The following PRKG1 variants were observed in gnomAD, a reference collection of about 807,000 sequenced individuals.
PRKG1 encodes the protein protein kinase cGMP-dependent 1.
In PRKG1, 35 loss-of-function variants were observed where a neutral mutation model predicts 88.1. The ratio of observed to expected loss-of-function variants is 0.40; its 90% CI spans 0.30 to 0.53. PRKG1 has a LOEUF of 0.53. Among genes scored for constraint, PRKG1 ranks in the 20% least tolerant of loss-of-function variants. The pLI is 0.59. For missense variants in PRKG1, 540 were observed against 839.8 expected, an observed-to-expected ratio of 0.64 and a Z score of 4.41; for synonymous variants, 303 against 292.5, an observed-to-expected ratio of 1.04 and a Z score of -0.37.
At chr10:51,832,212 A>G (rs1004239137) in intron 4 of PRKG1, among the ~76,000 whole-genome samples, 3 of 152,246 alleles carry the variant, frequency 2.0e-5, no homozygotes, top group African/African-American at 7.2e-5. Context: ...AAGCTTATGC[A>G]TAATGGAAAC....
chr10:51,615,596 A>G (rs1340142402), intron 3 of PRKG1, among the ~76,000 whole-genome samples: 1 of 129,308 alleles, frequency 7.7e-6, no homozygotes, highest in South Asian at 2.4e-4. Context: ...GATCTAGTCT[A>G]TTTTTGAAAC....
intron 2 of PRKG1, chr10:51,302,651 G>T (rs1382668024): frequency 6.6e-6 from 1 of 151,586 alleles, no homozygotes; most frequent in African/African-American, 2.4e-5. Flanking sequence ...GTCTTTAGCT[G>T]GGAAAAGCTT....
intron 3 of PRKG1, among the ~76,000 whole-genome samples, chr10:51,693,066 T>A (rs969514343): frequency 4.6e-5 from 7 of 151,900 alleles, no homozygotes; most frequent in African/African-American, 1.7e-4. Context: ...GGCGGGTGGA[T>A]CATTTGAGGT....
At chr10:51,774,167 A>G (rs959106567) in intron 3 of PRKG1, among the ~76,000 whole-genome samples, 21 of 152,056 alleles carry the variant, frequency 1.4e-4, no homozygotes, top group African/African-American at 5.1e-4. Flanking sequence ...AGAGAGCTTA[A>G]TTTACTTACC....
chr10:51,889,174 A>AG (rs1335120577), intron 4 of PRKG1, among the ~76,000 whole-genome samples: 5 of 150,506 alleles, frequency 3.3e-5, no homozygotes, highest in Non-Finnish European at 5.9e-5. Context: ...CTCGTCATTT[A>AG]CATTAGGTAT....
chr10:51,582,390 A>G (rs1483381455), intron 3 of PRKG1, among the ~76,000 whole-genome samples: 3 of 152,072 alleles, frequency 2.0e-5, no homozygotes, highest in Non-Finnish European at 4.4e-5. Context: ...GTAAACGTGT[A>G]CCATGGTGGT....
intron 3 of PRKG1, among the ~76,000 whole-genome samples, chr10:51,586,176 G>T (rs893676401): frequency 6.6e-6 from 1 of 152,164 alleles, no homozygotes; most frequent in Non-Finnish European, 1.5e-5. Context: ...GACAGGTGAT[G>T]TTGGCATTGT....
intron 3 of PRKG1, among the ~76,000 whole-genome samples, chr10:51,766,348 C>A (rs1257627207): frequency 6.6e-6 from 1 of 152,082 alleles, no homozygotes; most frequent in East Asian, 1.9e-4. Context: ...TTAGTTGCTC[C>A]ATATAGCTTT....
At chr10:51,951,964 G>A (rs753904618) in intron 5 of PRKG1, among the ~76,000 whole-genome samples, 1 of 152,160 alleles carries the variant, frequency 6.6e-6, no homozygotes, top group Non-Finnish European at 1.5e-5. Context: ...TCAGATTTCA[G>A]TGTTCATAAA....
intron 3 of PRKG1, among the ~76,000 whole-genome samples, chr10:51,529,226 A>T (rs1302252377): frequency 6.6e-6 from 1 of 151,928 alleles, no homozygotes; most frequent in African/African-American, 2.4e-5. Context: ...ACAATTCGTC[A>T]CCTCCATGAT....
chr10:52,162,118 A>T (rs922853410), intron 9 of PRKG1, among the ~76,000 whole-genome samples, 155 bp downstream of exon 9: 1 of 152,142 alleles, frequency 6.6e-6, no homozygotes, highest in African/African-American at 2.4e-5. Flanking sequence ...TAATTATTAC[A>T]CGGTATGCTT....
chr10:52,252,704 G>A (rs1250915815), intron 10 of PRKG1: 1 of 152,052 alleles, frequency 6.6e-6, no homozygotes, highest in South Asian at 2.1e-4. Flanking sequence ...TATTAGATGA[G>A]AAGGTTTTAG....
chr10:51,746,848 C>T (rs1837594212), intron 3 of PRKG1, among the ~76,000 whole-genome samples: 1 of 152,190 alleles, frequency 6.6e-6, no homozygotes, highest in Non-Finnish European at 1.5e-5. Flanking sequence ...CTTCCTCTCT[C>T]CCAAAGCAGT....
intron 3 of PRKG1, among the ~76,000 whole-genome samples, chr10:51,559,259 T>C (rs1355887919): frequency 6.6e-6 from 1 of 152,030 alleles, no homozygotes; most frequent in African/African-American, 2.4e-5. Context: ...AAATGCCTTA[T>C]ACATTGCTAT....
chr10:51,610,334 A>G (rs988366057), intron 3 of PRKG1, among the ~76,000 whole-genome samples: 1 of 151,856 alleles, frequency 6.6e-6, no homozygotes, highest in Non-Finnish European at 1.5e-5. Context: ...TCCACTCACT[A>G]CCTCCATGTG....
At chr10:51,810,488 T>C (rs530341678) in intron 4 of PRKG1, among the ~76,000 whole-genome samples, 1 of 152,298 alleles carries the variant, frequency 6.6e-6, no homozygotes, top group East Asian at 1.9e-4. Context: ...TGATGATCCC[T>C]CCTTATTCCA....
At chr10:51,370,581 C>T (rs1321039344) in intron 2 of PRKG1, among the ~76,000 whole-genome samples, 1 of 150,962 alleles carries the variant, frequency 6.6e-6, no homozygotes, top group African/African-American at 2.4e-5. Flanking sequence ...TTACCCTCAC[C>T]ATGCCTTATA....
intron 4 of PRKG1, among the ~76,000 whole-genome samples, chr10:51,833,518 G>T (rs1037588721): frequency 6.6e-6 from 1 of 152,106 alleles, no homozygotes; most frequent in African/African-American, 2.4e-5. Context: ...ACATTTATAG[G>T]TAGTAGAGCT....
At chr10:51,673,365 A>T in intron 3 of PRKG1, among the ~76,000 whole-genome samples, 1 of 152,198 alleles carries the variant, frequency 6.6e-6, no homozygotes, top group Non-Finnish European at 1.5e-5. Flanking sequence ...AGTGAAAGTG[A>T]GGGAGTACTT....
Sources: gnomAD v4.1 joint callset for allele counts (sites outside exome capture counted in the v4.1 genomes callset) on GRCh38, gnomAD v4.1.1 for gene constraint, MANE v1.5 for transcripts, NCBI Gene and HGNC (gene_info 2026-07-23, HGNC 2026-07-21) for gene names.